PAX3: variants seen among roughly 807,000 people sequenced by gnomAD.
PAX3 encodes the protein paired box protein Pax-3.
A neutral mutation model predicts 51.6 loss-of-function variants in PAX3; 14 were observed. The observed-to-expected ratio is 0.27, with a 90% CI of 0.18 to 0.42. The LOEUF (loss-of-function observed/expected upper bound fraction) is 0.42, where lower values mean the gene tolerates loss of function less well. Ranked by LOEUF, PAX3 falls within the 10% of genes least tolerant of loss-of-function variation. The pLI is 1.00. For synonymous variants in PAX3, 280 were observed against 253.4 expected (o/e 1.11, Z -1.00); for missense variants, 540 against 642.8 (o/e 0.84, Z 1.73).
At chr2:222,252,758 T>C (rs559128010) in intron 4 of PAX3, among the ~76,000 whole-genome samples, 3 of 152,278 alleles carry the variant, frequency 2.0e-5, no homozygotes, top group African/African-American at 4.8e-5. Flanking sequence ...CTCAACCTTA[T>C]AGGGCAGGTG....
chr2:222,296,874 A>G, intron 2 of PAX3, 104 bp downstream of exon 2: 1 of 949,106 alleles, frequency 1.1e-6, no homozygotes, highest in Non-Finnish European at 1.6e-6. Context: ...CTCAGAAATA[A>G]CTCATTGGAG....
At chr2:222,280,101 C>T (rs1694584616) in intron 4 of PAX3, among the ~76,000 whole-genome samples, 1 of 152,028 alleles carries the variant, frequency 6.6e-6, no homozygotes, top group South Asian at 2.1e-4. Flanking sequence ...ATCCCAGCTA[C>T]TCAGGAGGCT....
intron 7 of PAX3, among the ~76,000 whole-genome samples, chr2:222,202,394 A>G (rs535796301): frequency 6.6e-6 from 1 of 152,096 alleles, no homozygotes; most frequent in South Asian, 2.1e-4. Context: ...GTTGCAGAAG[A>G]AGGAAAGGGG....
Position 222,199,934 on chromosome 2 carries a change from C to T in PAX3, c.*1474G>A, listed in dbSNP as rs548367915. 5.4e-6 allele frequency: 1 copy of T among 184,852 alleles called. No homozygotes were observed. The highest frequency in any genetic ancestry group is 2.3e-5 in the African/African-American group (1 of 42,554). The allele number at this position is 184,852 out of a possible 1,614,324, so 11.5% of individuals were successfully genotyped here. A position where few individuals can be genotyped will look rare whatever the true frequency, so the allele number is the denominator to read the frequency against. ...CATTATAAATAGTAAATATTTACTGCACTTTTTACATGAAAGACATTTTTA... is the reference window on the plus strand; with the variant it reads ...CATTATAAATAGTAAATATTTACTGTACTTTTTACATGAAAGACATTTTTA... On this transcript the variant is annotated 3_prime_UTR_variant, in exon 9 of 9. Coordinates refer to ENST00000392070, the MANE Select transcript of PAX3 (RefSeq NM_181458.4).
chr2:222,279,208 C>T (rs558064768), intron 4 of PAX3, among the ~76,000 whole-genome samples: 1 of 152,310 alleles, frequency 6.6e-6, no homozygotes, highest in East Asian at 1.9e-4. Context: ...ACCGCCTGGG[C>T]CTCCCAAAGT....
intron 4 of PAX3, chr2:222,263,745 A>G (rs1021991478): frequency 1.3e-5 from 2 of 152,206 alleles, no homozygotes; most frequent in Non-Finnish European, 2.9e-5. Flanking sequence ...TTTTTCCTCA[A>G]CAGGTGAATG....
At position 222,223,624 on chromosome 2, in the gene PAX3, A is replaced by G. The variant is rs1019392549; in HGVS notation, c.793-2237T>C. Among the ~76,000 whole-genome samples, 6 of 152,356 alleles carry G rather than the reference A, an allele frequency of 3.9e-5. No homozygotes were observed. The East Asian group carries it at 9.7e-4, about 25-fold the overall frequency. On this transcript the variant is annotated intron_variant, in intron 5 of 8. Transcript: ENST00000392070. ...ACACACTGTGGTTGTAGTTTATATT[A>G]TAATACGTCAAGACTAAGGAGGTAC...
chr2:222,226,318 CTCTT>C (rs1264643371), intron 5 of PAX3, among the ~76,000 whole-genome samples: 2 of 152,172 alleles, frequency 1.3e-5, no homozygotes, highest in African/African-American at 2.4e-5. Flanking sequence ...CACCTCCTTT[CTCTT>C]TCTATGAAAG....
intron 4 of PAX3, among the ~76,000 whole-genome samples, chr2:222,285,590 G>A (rs889541078): frequency 1.9e-4 from 29 of 152,306 alleles, no homozygotes; most frequent in African/African-American, 6.0e-4. Flanking sequence ...GTATGTGACC[G>A]TATCAGCATT....
rs567327012 is a variant in PAX3, at chr2:222,212,483, C to T, written c.1173+7657G>A. On this transcript the variant is annotated intron_variant, in intron 7 of 8. Transcript: ENST00000392070. ...TTCCATTGATCAGCAGAGGTGCAAT[C>T]GCTAATCTCAGAAACTCTAGTTTAC... Among the ~76,000 whole-genome samples the T allele has an allele frequency of 3.3e-5, 5 of 152,206 alleles. No individual in the cohort carries two copies. The South Asian group carries it at 1.0e-3, about 32-fold the overall frequency.
intron 4 of PAX3, among the ~76,000 whole-genome samples, chr2:222,236,363 G>A (rs1370532112): frequency 6.6e-6 from 1 of 152,012 alleles, no homozygotes; most frequent in Non-Finnish European, 1.5e-5. Flanking sequence ...CAAATAGCTG[G>A]GACTACAGAC....
chr2:222,238,217 C>T (rs372817041), intron 4 of PAX3, among the ~76,000 whole-genome samples: 4 of 152,266 alleles, frequency 2.6e-5, no homozygotes, highest in East Asian at 3.9e-4. Context: ...TTACCACCAG[C>T]GGGCTAACCA....
intron 4 of PAX3, among the ~76,000 whole-genome samples, chr2:222,258,583 T>C (rs1693733851): frequency 6.6e-6 from 1 of 152,128 alleles, no homozygotes; most frequent in African/African-American, 2.4e-5. Context: ...ATAATCACAC[T>C]TTTTCTGAAG....
At chr2:222,239,517 G>A (rs1692927557) in intron 4 of PAX3, among the ~76,000 whole-genome samples, 1 of 151,756 alleles carries the variant, frequency 6.6e-6, no homozygotes, top group African/African-American at 2.4e-5. Flanking sequence ...AAAGAAAACA[G>A]ATATGCAGGT....
intron 4 of PAX3, among the ~76,000 whole-genome samples, chr2:222,234,332 C>T (rs888843055): frequency 6.6e-6 from 1 of 151,972 alleles, no homozygotes; most frequent in East Asian, 1.9e-4. Flanking sequence ...TATTTTACTA[C>T]TAACTTAAAG....
intron 4 of PAX3, among the ~76,000 whole-genome samples, chr2:222,280,633 T>C (rs1379557444): frequency 6.6e-6 from 1 of 152,158 alleles, no homozygotes; most frequent in African/African-American, 2.4e-5. Flanking sequence ...ATCCCACTTA[T>C]CCATTGGTTT....
chr2:222,257,169 G>T lies in PAX3; in HGVS notation c.587-24886C>A, dbSNP rs186128524. On this transcript the variant is annotated intron_variant, in intron 4 of 8. Coordinates refer to ENST00000392070, the MANE Select transcript of PAX3 (RefSeq NM_181458.4). ...GTCTCCAGGTGCCTTGCTCTTAGCA[G>T]GGACACAGTAAACATCCGCTGCATA... Among the ~76,000 whole-genome samples, 188 of 151,960 alleles carry T rather than the reference G, an allele frequency of 1.2e-3. 1 individual carries two copies. Among genetic ancestry groups the T allele is most frequent in the Non-Finnish European group, 2.2e-3 (147 of 67,988 alleles).
intron 7 of PAX3, among the ~76,000 whole-genome samples, chr2:222,205,760 T>G (rs1019265118): frequency 6.6e-6 from 1 of 152,142 alleles, no homozygotes; most frequent in Non-Finnish European, 1.5e-5. Flanking sequence ...GAAAATGCAT[T>G]ACTCTCCCCT....
chr2:222,223,542 G>A (rs1237158828), intron 5 of PAX3, among the ~76,000 whole-genome samples: 2 of 152,164 alleles, frequency 1.3e-5, no homozygotes, highest in Admixed American at 1.3e-4. Flanking sequence ...TTAGCTTGGG[G>A]AGGCTGAAGG....
Sources: allele counts gnomAD v4.1 joint callset (sites outside exome capture counted in the v4.1 genomes callset), GRCh38; gene constraint gnomAD v4.1.1; transcripts MANE v1.5; gene names NCBI Gene and HGNC (gene_info 2026-07-23, HGNC 2026-07-21).